MCC: variants seen among roughly 807,000 people sequenced by gnomAD.
The protein encoded by MCC is MCC regulator of Wnt signaling pathway.
Under a neutral mutation model 116.2 loss-of-function variants are expected in MCC, and 90 were observed. The observed-to-expected ratio is 0.77, with a 90% CI of 0.65 to 0.92. The LOEUF is 0.92. MCC is among the 40% of genes least tolerant of loss of function. MCC has a pLI of 0.00. For missense variants in MCC, 1,516 were observed against 1,312.2 expected (o/e 1.16, Z -2.40); for synonymous variants, 578 against 510.5 (o/e 1.13, Z -1.78).
At chr5:113,258,069 G>A (rs1765086424) in intron 3 of MCC, among the ~76,000 whole-genome samples, 1 of 152,062 alleles carries the variant, frequency 6.6e-6, no homozygotes, top group South Asian at 2.1e-4. Flanking sequence ...GGGTAGAGAA[G>A]ATACCAAATA....
chr5:113,485,848 T>C (rs1382651886), intron 1 of MCC, among the ~76,000 whole-genome samples: 1 of 152,220 alleles, frequency 6.6e-6, no homozygotes, highest in African/African-American at 2.4e-5. Context: ...GAACATAAAT[T>C]TAACGTCTTT....
At chr5:113,073,094 T>TTC (rs1554113332) in intron 11 of MCC, among the ~76,000 whole-genome samples, 3 of 151,962 alleles carry the variant, frequency 2.0e-5, no homozygotes, top group East Asian at 3.9e-4. Flanking sequence ...TTTTTTTTTT[T>TTC]CAGTTCATCA....
In MCC at chr5:113,093,495, C is replaced by CA. The variant is rs538456874; in HGVS notation, c.1399-8186dup. ...TCTCTCTCTCTCTCTCTCTCTCAAT[C>CA]AATCCAAAAGAAAGTAAATGATGCA... On this transcript the variant is annotated intron_variant, in intron 8 of 18. Transcript: ENST00000408903. 4.7e-4 allele frequency among the ~76,000 whole-genome samples: 71 copies of CA among 152,098 alleles called. 2 individuals are homozygous for CA. The highest frequency in any genetic ancestry group is 3.4e-3 in the Middle Eastern group (1 of 292).
intron 2 of MCC, among the ~76,000 whole-genome samples, chr5:113,372,102 G>C (rs936440191): frequency 4.6e-5 from 7 of 152,140 alleles, no homozygotes; most frequent in African/African-American, 1.7e-4. Context: ...CAATTTCATT[G>C]TGTTATGTGT....
intron 3 of MCC, among the ~76,000 whole-genome samples, chr5:113,182,346 CT>C (rs1232601214): frequency 1.3e-5 from 2 of 152,164 alleles, no homozygotes; most frequent in Admixed American, 1.3e-4. Context: ...GGCACATACC[CT>C]TTTTCCTCAG....
chr5:113,100,962 C>A (rs1192305949), intron 8 of MCC, among the ~76,000 whole-genome samples: 3 of 152,180 alleles, frequency 2.0e-5, no homozygotes, highest in Non-Finnish European at 4.4e-5. Context: ...AATCACAGAT[C>A]AAACTCACAG....
At position 113,384,532 on chromosome 5, in the gene MCC, G is replaced by A. The variant is rs1435340499; in HGVS notation, c.415+436C>T. On this transcript the variant is annotated intron_variant, in intron 2 of 18. Coordinates refer to ENST00000408903, the MANE Select transcript of MCC (RefSeq NM_001085377.2). ...GAACCCGGGAGGCAGAGGTTGCAGTGAGCCGAGATCCCGCCACTGCACGCC... is the reference window on the plus strand; with the variant it reads ...GAACCCGGGAGGCAGAGGTTGCAGTAAGCCGAGATCCCGCCACTGCACGCC... Among the ~76,000 whole-genome samples the A allele has an allele frequency of 2.0e-5, 3 of 152,158 alleles. No individual in the cohort carries two copies. The East Asian group carries it at 5.8e-4, about 29-fold the overall frequency.
At chr5:113,374,678 C>G (rs1370131181) in intron 2 of MCC, among the ~76,000 whole-genome samples, 1 of 152,062 alleles carries the variant, frequency 6.6e-6, no homozygotes, top group African/African-American at 2.4e-5. Context: ...AAATAGTCAA[C>G]TAAATTGATG....
chr5:113,048,846 T>C, intron 16 of MCC: 1 of 584,308 alleles, frequency 1.7e-6, no homozygotes, highest in Non-Finnish European at 3.0e-6. Context: ...AGATCACCCC[T>C]CTGATGTGAC....
At chr5:113,058,340 G>T (rs139128986) in intron 14 of MCC, among the ~76,000 whole-genome samples, 1 of 152,264 alleles carries the variant, frequency 6.6e-6, no homozygotes, top group Non-Finnish European at 1.5e-5. Flanking sequence ...TTCCAAGAGG[G>T]GTCCCGGGCT....
chr5:113,195,354 C>G (rs1289541301), intron 3 of MCC, among the ~76,000 whole-genome samples: 1 of 152,204 alleles, frequency 6.6e-6, no homozygotes, highest in African/African-American at 2.4e-5. Flanking sequence ...GTGAGTTTCA[C>G]TAATAGAATT....
At chr5:113,452,759 T>C (rs749956082) in intron 1 of MCC, among the ~76,000 whole-genome samples, 1 of 152,240 alleles carries the variant, frequency 6.6e-6, no homozygotes, top group Non-Finnish European at 1.5e-5. Flanking sequence ...CAGTAATTCT[T>C]TAATGTTCAA....
intron 3 of MCC, among the ~76,000 whole-genome samples, chr5:113,283,207 T>C (rs1045015581): frequency 4.9e-4 from 75 of 152,314 alleles, no homozygotes; most frequent in Middle Eastern, 3.4e-3. Flanking sequence ...CTACTGGAAA[T>C]ACCAAGGCGT....
chr5:113,451,677 C>G (rs1771400580), intron 1 of MCC, among the ~76,000 whole-genome samples: 1 of 152,096 alleles, frequency 6.6e-6, no homozygotes, highest in Admixed American at 6.5e-5. Flanking sequence ...GAGGTTGCAC[C>G]TTTGCACTCC....
At chr5:113,354,761 C>A (rs1386627408) in intron 2 of MCC, among the ~76,000 whole-genome samples, 6 of 110,098 alleles carry the variant, frequency 5.4e-5, no homozygotes, top group Non-Finnish European at 8.7e-5. Context: ...TTTTATTGTA[C>A]TATGATCAAC....
At chr5:113,467,281 T>A (rs9687302) in intron 1 of MCC, among the ~76,000 whole-genome samples, 103,084 of 144,480 alleles carry the variant, frequency 0.71, 37,221 homozygotes, top group East Asian at 0.88. Flanking sequence ...CTGAATGGTA[T>A]TGCCTAGGTT....
Position 113,053,730 on chromosome 5 carries a change from T to C in MCC, c.2443A>G (p.Met815Val). Residue 815 changes from methionine to valine, a missense_variant, in exon 15 of 19, where the codon ATG (methionine) becomes GTG (valine). Transcript: ENST00000408903. ...GGGACCCACCCACCACATACCTTCATGGCCATGAGCTCCTGCATAAGCACT... is the reference window on the plus strand; with the variant it reads ...GGGACCCACCCACCACATACCTTCACGGCCATGAGCTCCTGCATAAGCACT... Reference protein sequence around the residue: ...NAVLMQELMAMKEEMAELKAQ... With the variant: ...NAVLMQELMAVKEEMAELKAQ... The C allele has an allele frequency of 1.2e-6, 2 of 1,604,836 alleles. No homozygotes were observed. The highest frequency in any genetic ancestry group is 1.7e-6 in the Non-Finnish European group (2 of 1,172,162).
At position 113,092,741 on chromosome 5, in the gene MCC, C is replaced by T. The variant is rs191765836; in HGVS notation, c.1399-7431G>A. 9.1e-4 allele frequency among the ~76,000 whole-genome samples: 139 copies of T among 152,274 alleles called. 2 individuals carry two copies. Among genetic ancestry groups the T allele is most frequent in the African/African-American group, 3.2e-3 (131 of 41,548 alleles). The stretch of plus-strand genomic sequence containing the variant: ...CACTGACGTAGGTGGTGAAATACTC[C>T]TTTGCTGCTGTTGGGCGGATGGGCT... On this transcript the variant is annotated intron_variant, in intron 8 of 18. Coordinates refer to ENST00000408903, the MANE Select transcript of MCC (RefSeq NM_001085377.2).
chr5:113,355,803 C>A (rs1768397046), intron 2 of MCC, among the ~76,000 whole-genome samples: 1 of 152,100 alleles, frequency 6.6e-6, no homozygotes, highest in Non-Finnish European at 1.5e-5. Context: ...GGCCCCATCT[C>A]CAAATGCCAT....
Sources: gnomAD v4.1 joint callset for allele counts (sites outside exome capture counted in the v4.1 genomes callset) on GRCh38, gnomAD v4.1.1 for gene constraint, MANE v1.5 for transcripts, NCBI Gene and HGNC (gene_info 2026-07-23, HGNC 2026-07-21) for gene names.